The following DLG5 variants were observed in gnomAD, a reference collection of about 807,000 sequenced individuals.
DLG5 encodes the protein discs large MAGUK scaffold protein 5, also known as disks large homolog 5.
Under a neutral mutation model 189.8 loss-of-function variants are expected in DLG5, and 48 were observed. The ratio of observed to expected loss-of-function variants is 0.25; its 90% CI spans 0.20 to 0.32. The LOEUF is 0.32. DLG5 is among the 10% of genes least tolerant of loss of function. The pLI, the probability that DLG5 is intolerant of heterozygous loss-of-function variation, is 1.00. For missense variants in DLG5, 2,160 were observed against 2,544.7 expected (o/e 0.85, Z 3.25); for synonymous variants, 1,016 against 1,054.1 (o/e 0.96, Z 0.70).
chr10:77,860,656 A>T (rs1844438052), intron 2 of DLG5, among the ~76,000 whole-genome samples: 1 of 152,206 alleles, frequency 6.6e-6, no homozygotes, highest in Non-Finnish European at 1.5e-5. Flanking sequence ...GATCCTCATA[A>T]GGTAAATATC....
At chr10:77,893,596 G>A (rs1014881511) in intron 1 of DLG5, among the ~76,000 whole-genome samples, 2 of 152,246 alleles carry the variant, frequency 1.3e-5, no homozygotes, top group Non-Finnish European at 2.9e-5. Flanking sequence ...GCAGTGCTGG[G>A]CTGTGACTTG....
In DLG5 at chr10:77,794,500, G is replaced by A. The variant is rs111883016; in HGVS notation, c.5546+349C>T. On this transcript the variant is annotated intron_variant, in intron 30 of 31. Transcript: ENST00000372391. The stretch of plus-strand genomic sequence containing the variant: ...AGCCAGCTCGGGGCTGAGTGGGACT[G>A]TGCCCAGGCCACTGGCTCCCCTGCT... Among the ~76,000 whole-genome samples the A allele has an allele frequency of 5.5e-3, 833 of 152,336 alleles. 7 individuals are homozygous for A. The highest frequency in any genetic ancestry group is 0.019 in the African/African-American group (778 of 41,578).
At chr10:77,794,164 G>C in intron 30 of DLG5, 47 bp from the exon 31 acceptor site, 1 of 1,553,502 alleles carries the variant, frequency 6.4e-7, no homozygotes, top group Non-Finnish European at 8.9e-7. Flanking sequence ...CCTCCTCCAG[G>C]CCCTCTTTCC....
chr10:77,842,400 C>G (rs1843468132), intron 6 of DLG5, among the ~76,000 whole-genome samples: 1 of 152,192 alleles, frequency 6.6e-6, no homozygotes. Flanking sequence ...TTTACAAATG[C>G]CAGGAGTTGA....
chr10:77,917,528 A>C (rs1846398027), intron 1 of DLG5, among the ~76,000 whole-genome samples: 1 of 152,036 alleles, frequency 6.6e-6, no homozygotes, highest in South Asian at 2.1e-4. Context: ...ATCTCCAAAA[A>C]AAAAAAAAGA....
At chr10:77,895,784 C>T (rs566596083) in intron 1 of DLG5, among the ~76,000 whole-genome samples, 2 of 151,994 alleles carry the variant, frequency 1.3e-5, no homozygotes, top group African/African-American at 2.4e-5. Flanking sequence ...CCGAGGCAGG[C>T]GGATCACTTG....
chr10:77,821,947 A>C lies in DLG5; in HGVS notation c.2537T>G (p.Ile846Ser). ...GTCTTCCAGCCTGTCCGTGTAGAAG[A>C]TGTCTGTCTGCGTGGAGTTATTGTG... ...IQHNNSTQTD[I>S]FYTDRLEDRK... is the part of the protein sequence containing the mutation. The change falls in exon 15 of 32, where the codon ATC becomes AGC. Residue 846 changes from isoleucine (I) to serine (S), a missense_variant. By Grantham distance (142) the Ile-to-Ser change is moderately radical (BLOSUM62 -2). This residue lies in a region of DLG5 where 754 missense variants were observed against 746.5 expected (regional missense o/e 1.01). Transcript: ENST00000372391. 1 of 1,614,146 alleles carries C rather than the reference A, an allele frequency of 6.2e-7. No individual in the cohort carries two copies. The highest frequency in any genetic ancestry group is 1.1e-5 in the South Asian group (1 of 91,088).
intron 1 of DLG5, among the ~76,000 whole-genome samples, chr10:77,906,501 C>T (rs1308430068): frequency 1.3e-5 from 2 of 152,154 alleles, no homozygotes; most frequent in Admixed American, 6.5e-5. Context: ...ACTTCTGGAA[C>T]ACAAATGTCA....
At chr10:77,843,401 C>T in intron 6 of DLG5, 46 bp downstream of exon 6, 3 of 1,598,242 alleles carry the variant, frequency 1.9e-6, no homozygotes, top group Non-Finnish European at 2.6e-6. Flanking sequence ...GGCTGGGAAC[C>T]TTATAGGACC....
At chr10:77,924,630 T>C (rs1218468706) in intron 1 of DLG5, among the ~76,000 whole-genome samples, 1 of 152,198 alleles carries the variant, frequency 6.6e-6, no homozygotes, top group Non-Finnish European at 1.5e-5. Flanking sequence ...CCCTCTGTCC[T>C]TATCCTCATG....
intron 1 of DLG5, among the ~76,000 whole-genome samples, chr10:77,869,774 T>TA (rs1472300096): frequency 6.6e-6 from 1 of 152,172 alleles, no homozygotes; most frequent in African/African-American, 2.4e-5. Context: ...TGTCCACACT[T>TA]AATGTTAATT....
chr10:77,808,915 T>C (rs1841612035), intron 24 of DLG5, among the ~76,000 whole-genome samples: 1 of 151,854 alleles, frequency 6.6e-6, no homozygotes, highest in Non-Finnish European at 1.5e-5. Flanking sequence ...GCCAACATGA[T>C]GAAACCCCGT....
chr10:77,851,009 A>G lies in DLG5; in HGVS notation c.864+2345T>C, dbSNP rs1254641500. On this transcript the variant is annotated intron_variant, in intron 5 of 31. Transcript: ENST00000372391. ...CAAGAAGAACAAACTGCCGGCAGGCAAAACAGCAAGAAAACAAAGCACACA... is the reference window on the plus strand; with the variant it reads ...CAAGAAGAACAAACTGCCGGCAGGCGAAACAGCAAGAAAACAAAGCACACA... 2.0e-5 allele frequency among the ~76,000 whole-genome samples: 3 copies of G among 152,390 alleles called. No homozygotes were observed. The East Asian group carries it at 5.8e-4, about 29-fold the overall frequency.
chr10:77,866,833 T>C (rs958319220), intron 2 of DLG5: 3 of 388,588 alleles, frequency 7.7e-6, no homozygotes, highest in Non-Finnish European at 1.0e-5. Flanking sequence ...TAAGGTGGTA[T>C]GAGTGGGTGT....
intron 27 of DLG5, among the ~76,000 whole-genome samples, chr10:77,803,251 T>C (rs1841306340): frequency 6.6e-6 from 1 of 152,212 alleles, no homozygotes; most frequent in African/African-American, 2.4e-5. Context: ...CTTTATGTAA[T>C]GAGGTAAATA....
At chr10:77,802,886 C>G (rs545601985) in intron 27 of DLG5, among the ~76,000 whole-genome samples, 8 of 152,122 alleles carry the variant, frequency 5.3e-5, no homozygotes, top group African/African-American at 1.4e-4. Flanking sequence ...GGCGACAGAG[C>G]GAGATTCTGC....
At position 77,817,079 on chromosome 10, in the gene DLG5, G is replaced by T; in HGVS notation, c.3802C>A (p.Gln1268Lys). The change falls in exon 19 of 32, where the codon CAG (glutamine) becomes AAG (lysine). Residue 1268 changes from glutamine to lysine, a missense_variant. Physicochemically the swap from Gln to Lys is moderately conservative, Grantham distance 53 (BLOSUM62 1). Around this residue, in one of 5 missense-constraint regions of DLG5, gnomAD observed 754 missense variants for 746.5 expected, o/e 1.01. Transcript: ENST00000372391. Reference sequence around the variant, plus strand: ...ATTTTAATGCGTTCCGCCTTGAACTGCAAGTTACTCGAAGAACCTATTGTT... The same window carrying T: ...ATTTTAATGCGTTCCGCCTTGAACTTCAAGTTACTCGAAGAACCTATTGTT... ...SARLGSSSNL[Q>K]FKAERIKIPS... The T allele has an allele frequency of 6.2e-7, 1 of 1,614,144 alleles. No homozygotes were observed. The highest frequency in any genetic ancestry group is 8.5e-7 in the Non-Finnish European group (1 of 1,180,038).
chr10:77,903,962 A>G (rs1254525606), intron 1 of DLG5, among the ~76,000 whole-genome samples: 3 of 152,202 alleles, frequency 2.0e-5, no homozygotes, highest in Admixed American at 6.5e-5. Context: ...GAATATTCCC[A>G]GAAAACAAGA....
chr10:77,817,659 C>G, intron 18 of DLG5, 118 bp downstream of exon 18: 1 of 836,394 alleles, frequency 1.2e-6, no homozygotes, highest in Non-Finnish European at 1.9e-6. Flanking sequence ...TGAGCTCAGT[C>G]CCAGGAGGTG....
Sources: allele counts gnomAD v4.1 joint callset (sites outside exome capture counted in the v4.1 genomes callset), GRCh38; gene constraint gnomAD v4.1.1; regional missense constraint gnomAD v4.1.1; transcripts MANE v1.5; gene names NCBI Gene and HGNC (gene_info 2026-07-23, HGNC 2026-07-21).